PACRG: variants seen among roughly 807,000 people sequenced by gnomAD.
PACRG encodes the protein parkin coregulated, also known as parkin coregulated gene protein.
PACRG carries 29 observed loss-of-function variants against 29.7 expected under a neutral mutation model. That is an observed-to-expected ratio of 0.98 (90% confidence interval 0.73 to 1.33). The LOEUF is 1.33. Among genes scored for constraint, PACRG ranks in the 40% most tolerant of loss-of-function variants. The pLI, the probability that PACRG is intolerant of heterozygous loss-of-function variation, is 0.00. For synonymous variants in PACRG, 116 were observed against 118.7 expected (o/e 0.98, Z 0.15); for missense variants, 279 against 316.2 (o/e 0.88, Z 0.89).
chr6:163,220,216 G>T (rs892613871), intron 4 of PACRG, among the ~76,000 whole-genome samples: 15 of 151,958 alleles, frequency 9.9e-5, no homozygotes, highest in African/African-American at 3.4e-4. Context: ...GGGCGGGGGT[G>T]GGGGAGTGCA....
chr6:162,748,269 T>C (rs900988541), intron 1 of PACRG, among the ~76,000 whole-genome samples: 8 of 152,138 alleles, frequency 5.3e-5, no homozygotes, highest in African/African-American at 1.9e-4. Flanking sequence ...GGCAGGCAGA[T>C]CACCTGAGGT....
chr6:163,082,310 T>C (rs1320395082), intron 3 of PACRG, among the ~76,000 whole-genome samples: 1 of 152,146 alleles, frequency 6.6e-6, no homozygotes, highest in Non-Finnish European at 1.5e-5. Context: ...AAGATGGCAA[T>C]TGTCTGCCAA....
intron 4 of PACRG, among the ~76,000 whole-genome samples, chr6:163,198,698 C>T (rs922109560): frequency 6.6e-6 from 1 of 152,136 alleles, no homozygotes; most frequent in Non-Finnish European, 1.5e-5. Flanking sequence ...GCTTAATGAT[C>T]GTGAACCCAG....
At chr6:162,866,324 C>T (rs918738785) in intron 2 of PACRG, among the ~76,000 whole-genome samples, 15 of 152,120 alleles carry the variant, frequency 9.9e-5, no homozygotes, top group African/African-American at 3.1e-4. Flanking sequence ...CCTGTGCTTC[C>T]GGTCTTTACC....
chr6:163,269,762 G>GAGAGAGAGAGAGACAGAC (rs796202675), intron 4 of PACRG, among the ~76,000 whole-genome samples: 3 of 51,254 alleles, frequency 5.9e-5, no homozygotes, highest in Admixed American at 1.8e-4. Flanking sequence ...GAGAGAGAGA[G>GAGAGAGAGAGAGACAGAC]AGACAGACAG....
chr6:162,942,142 C>A (rs1448169509), intron 2 of PACRG, among the ~76,000 whole-genome samples: 1 of 152,164 alleles, frequency 6.6e-6, no homozygotes, highest in Non-Finnish European at 1.5e-5. Context: ...CCAAAAGAAA[C>A]CTCTATGGAA....
chr6:163,044,238 G>A (rs1014013944), intron 2 of PACRG, among the ~76,000 whole-genome samples: 2 of 150,112 alleles, frequency 1.3e-5, no homozygotes, highest in African/African-American at 4.9e-5. Context: ...GCACGATCAC[G>A]GTTCACTGAA....
chr6:163,093,576 C>T (rs992491609), intron 4 of PACRG, among the ~76,000 whole-genome samples: 4 of 152,164 alleles, frequency 2.6e-5, no homozygotes, highest in African/African-American at 9.7e-5. Context: ...TGGGCTCCGC[C>T]AGCAGATTAG....
At chr6:162,964,961 G>A (rs1800910313) in intron 2 of PACRG, among the ~76,000 whole-genome samples, 1 of 152,188 alleles carries the variant, frequency 6.6e-6, no homozygotes, top group Non-Finnish European at 1.5e-5. Flanking sequence ...TGTATCTGCT[G>A]CTGTCTCCTC....
chr6:163,219,560 GTT>G (rs1781493232), intron 4 of PACRG, among the ~76,000 whole-genome samples: 1 of 152,086 alleles, frequency 6.6e-6, no homozygotes, highest in South Asian at 2.1e-4. Flanking sequence ...CCTCCCAATG[GTT>G]TCTCATTGAG....
chr6:163,190,043 AG>A (rs1198346025), intron 4 of PACRG: 1 of 152,228 alleles, frequency 6.6e-6, no homozygotes, highest in Admixed American at 6.5e-5. Context: ...AGAAGAAACT[AG>A]GTTTCAAATG....
intron 2 of PACRG, among the ~76,000 whole-genome samples, chr6:162,868,028 GTGACTTCTCTTA>G (rs1228806038): frequency 2.0e-5 from 3 of 152,302 alleles, no homozygotes; most frequent in African/African-American, 7.2e-5. Context: ...ACCCTTCAGG[GTGACTTCTCTTA>G]TGACTTTTCT....
At chr6:163,298,445 T>C (rs903508371) in intron 4 of PACRG, among the ~76,000 whole-genome samples, 1 of 152,234 alleles carries the variant, frequency 6.6e-6, no homozygotes, top group African/African-American at 2.4e-5. Context: ...TGGAACATCA[T>C]ACACTGGCCT....
chr6:162,875,518 T>A (rs1451109814), intron 2 of PACRG, among the ~76,000 whole-genome samples: 1 of 152,224 alleles, frequency 6.6e-6, no homozygotes, highest in East Asian at 1.9e-4. Flanking sequence ...TGTTTAGACA[T>A]CCTCCATCTT....
At chr6:163,279,841 A>G (rs1231758090) in intron 4 of PACRG, among the ~76,000 whole-genome samples, 1 of 152,202 alleles carries the variant, frequency 6.6e-6, no homozygotes, top group African/African-American at 2.4e-5. Context: ...TGCTTGAGAG[A>G]AGGAGAGTCA....
chr6:162,923,226 G>A (rs1324815229), intron 2 of PACRG, among the ~76,000 whole-genome samples: 1 of 152,060 alleles, frequency 6.6e-6, no homozygotes, highest in African/African-American at 2.4e-5. Context: ...AGTCAGATGA[G>A]TTTATTTTCC....
At chr6:163,157,041 G>T (rs1778351565) in intron 4 of PACRG, among the ~76,000 whole-genome samples, 1 of 152,300 alleles carries the variant, frequency 6.6e-6, no homozygotes, top group South Asian at 2.1e-4. Context: ...CAGGAATTAG[G>T]TTACGTTCAT....
intron 1 of PACRG, among the ~76,000 whole-genome samples, chr6:162,760,017 C>T (rs6909692): frequency 0.045 from 6,776 of 152,242 alleles, 519 homozygotes; most frequent in African/African-American, 0.15. Flanking sequence ...TGAGCCTCAA[C>T]TTGATCCCAC....
intron 4 of PACRG, among the ~76,000 whole-genome samples, chr6:163,286,873 T>C (rs1480438085): frequency 6.6e-6 from 1 of 152,246 alleles, no homozygotes; most frequent in Non-Finnish European, 1.5e-5. Flanking sequence ...TGTTTATGTG[T>C]ACACGTGTAG....
Sources: gnomAD v4.1 joint callset for allele counts (sites outside exome capture counted in the v4.1 genomes callset) on GRCh38, gnomAD v4.1.1 for gene constraint, MANE v1.5 for transcripts, NCBI Gene and HGNC (gene_info 2026-07-23, HGNC 2026-07-21) for gene names.